Variants in ANO10 observed in about 807,000 individuals in gnomAD.
The protein encoded by ANO10 is anoctamin-10.
ANO10 carries 77 observed loss-of-function variants against 74.7 expected under a neutral mutation model. That is an observed-to-expected ratio of 1.03 (90% CI 0.86 to 1.25). The LOEUF (loss-of-function observed/expected upper bound fraction) is 1.25, where lower values mean the gene tolerates loss of function less well. Ranked by LOEUF, ANO10 falls within the 50% of genes most tolerant of loss-of-function variation. ANO10 has a pLI of 0.00. For synonymous variants in ANO10, 279 were observed against 284.9 expected (o/e 0.98, Z 0.21); for missense variants, 721 against 778.1 (o/e 0.93, Z 0.87).
At chr3:43,678,236 T>TA (rs2084148090) in intron 1 of ANO10, among the ~76,000 whole-genome samples, 1 of 152,060 alleles carries the variant, frequency 6.6e-6, no homozygotes, top group African/African-American at 2.4e-5. Context: ...GCAGTAAGAG[T>TA]AAAAAACAGA....
chr3:43,450,558 CAT>C (rs2074817846), intron 11 of ANO10, among the ~76,000 whole-genome samples: 1 of 152,086 alleles, frequency 6.6e-6, no homozygotes, highest in Non-Finnish European at 1.5e-5. Context: ...AGAAAAATTA[CAT>C]ATCTAGCTTT....
rs536798856 is a variant in ANO10, at chr3:43,501,922, C to T, written c.1797+47798G>A. Among the ~76,000 whole-genome samples, 5 of 152,304 alleles carry T rather than the reference C, an allele frequency of 3.3e-5. No individual in the cohort carries two copies. In the South Asian group the frequency reaches 6.2e-4, roughly 19 times the overall value. Reference sequence around the variant, plus strand: ...CAGAGTACAAGAACACCAGTATCAACGATGGTCTCCGTTTGGTGATTTTCC... The same window carrying T: ...CAGAGTACAAGAACACCAGTATCAATGATGGTCTCCGTTTGGTGATTTTCC... On this transcript the variant is annotated intron_variant, in intron 11 of 12. Transcript: ENST00000292246.
At chr3:43,522,233 C>A (rs978848365) in intron 11 of ANO10, among the ~76,000 whole-genome samples, 1 of 151,968 alleles carries the variant, frequency 6.6e-6, no homozygotes, top group African/African-American at 2.4e-5. Context: ...GTGATGACTG[C>A]ACAATGCTGT....
chr3:43,611,891 G>A (rs1398617739), intron 1 of ANO10, among the ~76,000 whole-genome samples: 3 of 151,922 alleles, frequency 2.0e-5, no homozygotes, highest in South Asian at 4.2e-4. Flanking sequence ...AGATATTCTT[G>A]TTGGAATAGC....
chr3:43,687,950 T>C (rs761386128), intron 1 of ANO10, among the ~76,000 whole-genome samples: 3 of 152,146 alleles, frequency 2.0e-5, no homozygotes, highest in Admixed American at 6.5e-5. Flanking sequence ...GGTTCCACCA[T>C]TGCTGGCAAC....
intron 12 of ANO10, among the ~76,000 whole-genome samples, chr3:43,410,643 G>T (rs1003670303): frequency 3.9e-5 from 6 of 151,974 alleles, no homozygotes; most frequent in African/African-American, 1.2e-4. Flanking sequence ...AAACTATTTT[G>T]ATGTGCTCTT....
rs543688743 is a variant in ANO10, at chr3:43,371,395, C to T, written c.1915-4421G>A. 1.1e-3 allele frequency among the ~76,000 whole-genome samples: 171 copies of T among 152,282 alleles called. 1 individual carries two copies. Among genetic ancestry groups the T allele is most frequent in the African/African-American group, 3.9e-3 (161 of 41,550 alleles). ...GCCCAGCAGCAGCACCTGGTTCCCCCGAGCCACCCCAGCCTTGGGTGTGCA... is the reference window on the plus strand; with the variant it reads ...GCCCAGCAGCAGCACCTGGTTCCCCTGAGCCACCCCAGCCTTGGGTGTGCA... On this transcript the variant is annotated intron_variant, in intron 12 of 12. Transcript: ENST00000292246.
chr3:43,407,416 C>A (rs762968084), intron 12 of ANO10, among the ~76,000 whole-genome samples: 1 of 152,144 alleles, frequency 6.6e-6, no homozygotes, highest in Non-Finnish European at 1.5e-5. Context: ...GGTGCACTAA[C>A]CCCAAATATG....
chr3:43,622,978 G>A (rs1194536928), upstream of ANO10, among the ~76,000 whole-genome samples: 1 of 152,158 alleles, frequency 6.6e-6, no homozygotes, highest in African/African-American at 2.4e-5. Context: ...CGATTCTCCT[G>A]CCTCAGCCTC....
Position 43,506,124 on chromosome 3 carries a change from T to C in ANO10, c.1797+43596A>G, listed in dbSNP as rs146036459. Reference sequence around the variant, plus strand: ...AATCCTCACCTTTAAAATAAAGATATAATGCTCTTACAGTATTATCTAGGA... The same window carrying C: ...AATCCTCACCTTTAAAATAAAGATACAATGCTCTTACAGTATTATCTAGGA... On this transcript the variant is annotated intron_variant, in intron 11 of 12. Transcript: ENST00000292246. Among the ~76,000 whole-genome samples the C allele has an allele frequency of 2.2e-3, 340 of 152,310 alleles. 1 individual carries two copies. Among genetic ancestry groups the C allele is most frequent in the African/African-American group, 7.5e-3 (311 of 41,568 alleles).
chr3:43,504,295 GGT>G (rs2077205411), intron 11 of ANO10, among the ~76,000 whole-genome samples: 1 of 135,306 alleles, frequency 7.4e-6, no homozygotes, highest in Admixed American at 7.6e-5. Flanking sequence ...TAGGTAGGTA[GGT>G]AGGTAGATAG....
chr3:43,494,516 AC>A (rs1341933664), intron 11 of ANO10, among the ~76,000 whole-genome samples: 3 of 152,192 alleles, frequency 2.0e-5, no homozygotes, highest in Non-Finnish European at 4.4e-5. Flanking sequence ...AAAAAAGAAA[AC>A]ATTATCCTCA....
upstream of ANO10, among the ~76,000 whole-genome samples, chr3:43,622,952 G>A (rs565968618): frequency 1.3e-5 from 2 of 152,152 alleles, no homozygotes; most frequent in Non-Finnish European, 2.9e-5. Flanking sequence ...TGCAACCTCC[G>A]CCTCCCGGGT....
intron 8 of ANO10, among the ~76,000 whole-genome samples, chr3:43,561,976 G>T (rs1054333147): frequency 2.6e-5 from 4 of 152,110 alleles, no homozygotes; most frequent in East Asian, 3.9e-4. Context: ...CTTTTTTAAA[G>T]AATTTAAATT....
intron 7 of ANO10, among the ~76,000 whole-genome samples, chr3:43,568,253 A>C (rs2080483337): frequency 6.6e-6 from 1 of 152,146 alleles, no homozygotes; most frequent in Non-Finnish European, 1.5e-5. Flanking sequence ...TTAACACCCT[A>C]CTGTCAACAT....
In ANO10 at chr3:43,589,755, A is replaced by G. The variant is rs144730653; in HGVS notation, c.472+8777T>C. ...TTCCTACTTTATTTTTAATGAAAAC[A>G]TTGAAGGAAAACAATTAGATGTTCA... is the stretch of plus-strand genomic sequence containing the variant. On this transcript the variant is annotated intron_variant, in intron 4 of 12. Transcript: ENST00000292246. 1.2e-3 allele frequency among the ~76,000 whole-genome samples: 182 copies of G among 152,370 alleles called. 3 individuals are homozygous for G. In the East Asian group the frequency reaches 0.034, roughly 29 times the overall value.
intron 11 of ANO10, among the ~76,000 whole-genome samples, chr3:43,479,373 A>C (rs1368948057): frequency 6.6e-6 from 1 of 152,220 alleles, no homozygotes; most frequent in Admixed American, 6.5e-5. Context: ...AATAAAAAAT[A>C]AATATTAAAC....
chr3:43,495,463 T>C (rs1009743722), intron 11 of ANO10, among the ~76,000 whole-genome samples: 2 of 152,208 alleles, frequency 1.3e-5, no homozygotes, highest in East Asian at 3.9e-4. Flanking sequence ...AAGAAAATAT[T>C]TGTAACATGT....
At chr3:43,658,731 G>C (rs979435829) in intron 1 of ANO10, among the ~76,000 whole-genome samples, 1 of 152,130 alleles carries the variant, frequency 6.6e-6, no homozygotes, top group African/African-American at 2.4e-5. Flanking sequence ...GCCACCCAAA[G>C]TGCTGGGACC....
Sources: gnomAD v4.1 joint callset for allele counts (sites outside exome capture counted in the v4.1 genomes callset) on GRCh38, gnomAD v4.1.1 for gene constraint, MANE v1.5 for transcripts, NCBI Gene and HGNC (gene_info 2026-07-23, HGNC 2026-07-21) for gene names.